Variants in ANTXR1 observed in about 807,000 individuals in gnomAD.
ANTXR1 encodes anthrax toxin receptor 1.
Under a neutral mutation model 78.1 loss-of-function variants are expected in ANTXR1, and 19 were observed. That is an observed-to-expected ratio of 0.24 (90% CI 0.17 to 0.36). The LOEUF (loss-of-function observed/expected upper bound fraction) is 0.36, where lower values mean the gene tolerates loss of function less well. Ranked by LOEUF, ANTXR1 falls within the 10% of genes least tolerant of loss-of-function variation. The pLI is 1.00. For missense variants in ANTXR1, 518 were observed against 718.6 expected, an observed-to-expected ratio of 0.72 and a Z score of 3.19; for synonymous variants, 273 against 260.5, an observed-to-expected ratio of 1.05 and a Z score of -0.46.
chr2:69,177,674 T>C lies in ANTXR1; in HGVS notation c.1090-4112T>C, dbSNP rs139023131. 1.7e-3 allele frequency among the ~76,000 whole-genome samples: 253 copies of C among 152,272 alleles called. 2 individuals carry two copies. Among genetic ancestry groups the C allele is most frequent in the African/African-American group, 5.7e-3 (237 of 41,566 alleles). On this transcript the variant is annotated intron_variant, in intron 14 of 17. Transcript: ENST00000303714. ...CCTACTCCTCGCTTCTTCCGCGTTA[T>C]CTCATCTTCTCGGTTTGCTAGACAC...
chr2:69,121,144 A>C (rs1433719378), intron 10 of ANTXR1, among the ~76,000 whole-genome samples: 1 of 152,244 alleles, frequency 6.6e-6, no homozygotes, highest in African/African-American at 2.4e-5. Context: ...TTGTGTGCTC[A>C]TCACAATTAT....
At chr2:69,086,649 G>T (rs964550762) in intron 8 of ANTXR1, among the ~76,000 whole-genome samples, 1 of 100,808 alleles carries the variant, frequency 9.9e-6, no homozygotes, top group Non-Finnish European at 2.1e-5. Context: ...AGGGGTGGGC[G>T]ATGGGGCGTA....
intron 16 of ANTXR1, among the ~76,000 whole-genome samples, chr2:69,184,278 T>C (rs1674366901): frequency 6.6e-6 from 1 of 152,248 alleles, no homozygotes; most frequent in Non-Finnish European, 1.5e-5. Flanking sequence ...ATTTCTATTT[T>C]GGTTTGCCAT....
chr2:69,033,446 A>G (rs898294798), intron 1 of ANTXR1, among the ~76,000 whole-genome samples: 1 of 152,214 alleles, frequency 6.6e-6, no homozygotes, highest in Non-Finnish European at 1.5e-5. Flanking sequence ...TCTAATATGC[A>G]AAGAGTAGAA....
At chr2:69,050,371 A>G (rs1018907771) in intron 3 of ANTXR1, among the ~76,000 whole-genome samples, 1 of 151,946 alleles carries the variant, frequency 6.6e-6, no homozygotes, top group Admixed American at 6.6e-5. Context: ...AATAAACTTT[A>G]TCATGGTTTG....
chr2:69,146,091 G>A (rs963171196), intron 12 of ANTXR1: 2 of 985,460 alleles, frequency 2.0e-6, no homozygotes, highest in South Asian at 4.7e-5. Context: ...AATGACACAT[G>A]CCCGAATGAA....
At chr2:69,176,831 T>A (rs779123569) in intron 14 of ANTXR1, among the ~76,000 whole-genome samples, 7 of 152,338 alleles carry the variant, frequency 4.6e-5, no homozygotes, top group Non-Finnish European at 7.4e-5. Context: ...TCCTTTTCAT[T>A]GATAGTTCCT....
intron 17 of ANTXR1, among the ~76,000 whole-genome samples, chr2:69,207,359 TCCC>T (rs978263494): frequency 6.6e-6 from 1 of 152,134 alleles, no homozygotes; most frequent in Non-Finnish European, 1.5e-5. Flanking sequence ...CACAAACTGT[TCCC>T]CCATGAAAAA....
chr2:69,050,213 G>A (rs1669888835), intron 3 of ANTXR1, among the ~76,000 whole-genome samples: 1 of 151,952 alleles, frequency 6.6e-6, no homozygotes, highest in Non-Finnish European at 1.5e-5. Flanking sequence ...TGACAGGATC[G>A]ATTGAGGCAT....
intron 2 of ANTXR1, among the ~76,000 whole-genome samples, chr2:69,042,694 C>G (rs1669646045): frequency 6.6e-6 from 1 of 152,142 alleles, no homozygotes; most frequent in Non-Finnish European, 1.5e-5. Context: ...TCTCCATATC[C>G]TTACTTCTCA....
At chr2:69,187,763 T>C (rs1173888334) in intron 16 of ANTXR1, among the ~76,000 whole-genome samples, 1 of 150,390 alleles carries the variant, frequency 6.6e-6, no homozygotes, top group Non-Finnish European at 1.5e-5. Flanking sequence ...AATTTTTGTA[T>C]TTTTTTTGGT....
chr2:69,145,649 G>T, intron 12 of ANTXR1: 1 of 1,212,986 alleles, frequency 8.2e-7, no homozygotes, highest in African/African-American at 1.5e-5. Context: ...CAGAATCCTG[G>T]TGCAGACCCA....
Position 69,152,171 on chromosome 2 carries a change from T to G in ANTXR1, c.954T>G (p.Ser318=), listed in dbSNP as rs1294234244. The change falls in exon 13 of 18, where the codon TCT becomes TCG. Residue 318 remains serine, a splice_region_variant and synonymous_variant. Coordinates refer to ENST00000303714, the MANE Select transcript of ANTXR1 (RefSeq NM_032208.3). ...CCGCCTCTCTCTTGGCCCTGCAGTC[T>G]GACGGTTCCATCCTGGCCATCGCCC... is the stretch of plus-strand genomic sequence containing the variant. The part of the protein sequence containing the change: ...SSVIITTTHC[S]DGSILAIALL... The G allele has an allele frequency of 6.2e-7, 1 of 1,614,058 alleles. No homozygotes were observed. The highest frequency in any genetic ancestry group is 1.7e-5 in the Admixed American group (1 of 60,024).
At chr2:69,091,101 G>A (rs1407589871) in intron 9 of ANTXR1, among the ~76,000 whole-genome samples, 182 bp downstream of exon 9, 1 of 146,974 alleles carries the variant, frequency 6.8e-6, no homozygotes, top group Admixed American at 6.8e-5. Flanking sequence ...GAAGCCACAT[G>A]TCAGTTGTTT....
At chr2:69,112,298 CAGAG>C (rs758320554) in intron 10 of ANTXR1, among the ~76,000 whole-genome samples, 28 of 152,092 alleles carry the variant, frequency 1.8e-4, no homozygotes, top group Admixed American at 1.2e-3. Context: ...CTGATGAACT[CAGAG>C]AGATGAAGTG....
rs1357131806 is a variant in ANTXR1, at chr2:69,237,837, T to C, written c.1435-7388T>C. Among the ~76,000 whole-genome samples the C allele has an allele frequency of 2.0e-5, 3 of 152,220 alleles. No homozygotes were observed. The East Asian group carries it at 5.8e-4, about 29-fold the overall frequency. ...GTAGACATGCATATATATGTATGTA[T>C]ATGCACATTTTTATTTATATATATG... On this transcript the variant is annotated intron_variant, in intron 17 of 17. Coordinates refer to ENST00000303714, the MANE Select transcript of ANTXR1 (RefSeq NM_032208.3).
chr2:69,118,672 CACG>C lies in ANTXR1; in HGVS notation c.803-4342_803-4340del, dbSNP rs577622546. On this transcript the variant is annotated intron_variant, in intron 10 of 17. Coordinates refer to ENST00000303714, the MANE Select transcript of ANTXR1 (RefSeq NM_032208.3). ...GAGTGGATCGCGGCCCCACATATGTCACGACACCACTGGCTTTGGCACACGCTG... is the reference window on the plus strand; with the variant it reads ...GAGTGGATCGCGGCCCCACATATGTCACACCACTGGCTTTGGCACACGCTG... Among the ~76,000 whole-genome samples the C allele has an allele frequency of 1.6e-3, 250 of 152,268 alleles. 1 individual carries two copies. In the South Asian group the frequency reaches 0.023, roughly 14 times the overall value.
chr2:69,168,784 G>C (rs1673899137), intron 13 of ANTXR1, among the ~76,000 whole-genome samples: 1 of 152,232 alleles, frequency 6.6e-6, no homozygotes. Context: ...GGTTGAGTGG[G>C]TGAGCACAAT....
At chr2:69,063,774 C>G (rs780836126) in intron 3 of ANTXR1, among the ~76,000 whole-genome samples, 2 of 151,834 alleles carry the variant, frequency 1.3e-5, no homozygotes, top group African/African-American at 2.4e-5. Flanking sequence ...TAAGAGGGAA[C>G]TATATGGAAA....
Sources: allele counts gnomAD v4.1 joint callset (sites outside exome capture counted in the v4.1 genomes callset), GRCh38; gene constraint gnomAD v4.1.1; transcripts MANE v1.5; gene names NCBI Gene and HGNC (gene_info 2026-07-23, HGNC 2026-07-21).